Variants in THBS2 observed in about 807,000 individuals in gnomAD.
THBS2 encodes the protein thrombospondin 2.
A neutral mutation model predicts 135.2 loss-of-function variants in THBS2; 47 were observed. The observed-to-expected ratio is 0.35, with a 90% CI of 0.28 to 0.44. The LOEUF (loss-of-function observed/expected upper bound fraction) is 0.44. Ranked by LOEUF, THBS2 falls within the 20% of genes least tolerant of loss-of-function variation. The pLI, the probability that THBS2 is intolerant of heterozygous loss-of-function variation, is 1.00. For synonymous variants in THBS2, 639 were observed against 633.8 expected, an observed-to-expected ratio of 1.01 and a Z score of -0.12; for missense variants, 1,288 against 1,603.1, an observed-to-expected ratio of 0.80 and a Z score of 3.36.
intron 19 of THBS2, 29 bp downstream of exon 19, chr6:169,222,168 G>A (rs6605530): frequency 0.23 from 368,279 of 1,570,826 alleles, 45,546 homozygotes; most frequent in African/African-American, 0.29. Flanking sequence ...GTGCAGAGGA[G>A]ATGTGTGGGC....
intron 9 of THBS2, among the ~76,000 whole-genome samples, chr6:169,236,040 T>TC (rs1276666650): frequency 2.2e-5 from 1 of 44,670 alleles, no homozygotes; most frequent in Admixed American, 2.9e-4. Context: ...CCACACTCCC[T>TC]CCCCATCCAC....
At position 169,246,218 on chromosome 6, in the gene THBS2, C is replaced by G; in HGVS notation, c.673G>C (p.Gly225Arg). 2 of 1,613,930 alleles carry G rather than the reference C, an allele frequency of 1.2e-6. No individual in the cohort carries two copies. Among genetic ancestry groups the G allele is most frequent in the Non-Finnish European group, 8.5e-7 (1 of 1,179,998 alleles). The part of the protein sequence containing the change: ...NSVEDILSKK[G>R]CQQGQGAEIN... ...CTACCTCCCTGGCCTTGCTGGCAAC[C>G]CTTCTTGCTTAGAATATCTTCCACA... The change falls in exon 4 of 22, where the codon GGT (glycine) becomes CGT (arginine). Residue 225 changes from glycine to arginine, a missense_variant. Gly to Arg is a moderately radical substitution (Grantham distance 125, BLOSUM62 -2). Around this residue, in one of 2 missense-constraint regions of THBS2, gnomAD observed 414 missense variants for 447.0 expected, o/e 0.93. Transcript: ENST00000617924.
chr6:169,229,799 A>G (rs1779770677), intron 13 of THBS2, 120 bp from the exon 14 acceptor site: 1 of 741,918 alleles, frequency 1.3e-6, no homozygotes, highest in Admixed American at 2.4e-5. Context: ...TCAGTCCTCG[A>G]TCTCAAGCGG....
At chr6:169,239,520 A>G in intron 7 of THBS2, 79 bp downstream of exon 7, 1 of 1,407,804 alleles carries the variant, frequency 7.1e-7, no homozygotes, top group Non-Finnish European at 9.8e-7. Context: ...CTCTGCCAAA[A>G]CCAACCAATG....
At chr6:169,225,431 T>A in intron 16 of THBS2, 52 bp from the exon 17 acceptor site, 3 of 1,517,860 alleles carry the variant, frequency 2.0e-6, no homozygotes, top group Non-Finnish European at 2.7e-6. Context: ...TTTGAGGAGG[T>A]GGAGAGGAAC....
At position 169,244,172 on chromosome 6, in the gene THBS2, T is replaced by G. The variant is rs564005599; in HGVS notation, c.694+2025A>C. 3.1e-3 allele frequency among the ~76,000 whole-genome samples: 468 copies of G among 149,604 alleles called. 4 individuals carry two copies. The highest frequency in any genetic ancestry group is 0.011 in the African/African-American group (447 of 39,734). The stretch of plus-strand genomic sequence containing the variant: ...GATCTAGATTTCTCTGTGTTTTTTT[T>G]TTTTTTTTTTTGGAAGATCTAAGAG... On this transcript the variant is annotated intron_variant, in intron 4 of 21. Transcript: ENST00000617924.
chr6:169,224,673 C>T (rs976985900), intron 17 of THBS2, among the ~76,000 whole-genome samples: 3 of 152,184 alleles, frequency 2.0e-5, no homozygotes, highest in Non-Finnish European at 4.4e-5. Context: ...CCTTGGGCCC[C>T]CGTGGCTATG....
chr6:169,230,646 A>T (rs1779799437), intron 13 of THBS2, among the ~76,000 whole-genome samples: 1 of 152,210 alleles, frequency 6.6e-6, no homozygotes, highest in South Asian at 2.1e-4. Context: ...CAAATTATAT[A>T]CCATTTTCGA....
At position 169,238,330 on chromosome 6, in the gene THBS2, A is replaced by G. The variant is rs12178812; in HGVS notation, c.1130-535T>C. Reference sequence around the variant, plus strand: ...GTAAAGAAATTCTTCATAGGTAATCACAGCCGCTAAATGGGGGGAAAGAGC... The same window carrying G: ...GTAAAGAAATTCTTCATAGGTAATCGCAGCCGCTAAATGGGGGGAAAGAGC... On this transcript the variant is annotated intron_variant, in intron 7 of 21. Transcript: ENST00000617924. 6.5e-3 allele frequency among the ~76,000 whole-genome samples: 995 copies of G among 152,374 alleles called. 7 individuals carry two copies. Among genetic ancestry groups the G allele is most frequent in the Non-Finnish European group, 0.011 (746 of 68,048 alleles).
chr6:169,217,681 C>A lies in THBS2; in HGVS notation c.*141G>T. The A allele has an allele frequency of 1.1e-6, 1 of 905,568 alleles. No homozygotes were observed. The highest frequency in any genetic ancestry group is 1.6e-6 in the Non-Finnish European group (1 of 610,634). The allele number at this position is 905,568 out of a possible 1,614,324, so 56.1% of individuals were successfully genotyped here. A position where few individuals can be genotyped will look rare whatever the true frequency, so the allele number is the denominator to read the frequency against. On this transcript the variant is annotated 3_prime_UTR_variant, in exon 22 of 22. Coordinates refer to ENST00000617924, the MANE Select transcript of THBS2 (RefSeq NM_003247.5). ...AGGCACTTGGGTTTGGGGTTGCTGG[C>A]AGGAGGTGAAGAACCATCAGAGTTA...
At chr6:169,250,698 G>T in intron 2 of THBS2, 35 bp downstream of exon 2, 1 of 1,603,294 alleles carries the variant, frequency 6.2e-7, no homozygotes, top group East Asian at 2.2e-5. Context: ...TATCTCACAA[G>T]CCAGAGAGAG....
chr6:169,247,814 ATGG>A (rs1260500013), intron 3 of THBS2, among the ~76,000 whole-genome samples: 1 of 147,628 alleles, frequency 6.8e-6, no homozygotes, highest in Non-Finnish European at 1.5e-5. Flanking sequence ...GAGTGCATGC[ATGG>A]TGTTTATTTG....
intron 9 of THBS2, among the ~76,000 whole-genome samples, chr6:169,236,126 T>G (rs111162673): frequency 4.5e-4 from 23 of 50,674 alleles, no homozygotes; most frequent in South Asian, 8.0e-4. Context: ...TCATTCCCCC[T>G]TAAACACCAT....
intron 13 of THBS2, among the ~76,000 whole-genome samples, chr6:169,230,563 C>G (rs535708737): frequency 7.6e-4 from 115 of 152,304 alleles, no homozygotes; most frequent in Admixed American, 2.4e-3. Context: ...AATATGGGAA[C>G]GGGCACAGGG....
chr6:169,233,051 G>A (rs1779906702), intron 10 of THBS2, 34 bp from the exon 11 acceptor site: 8 of 1,496,818 alleles, frequency 5.3e-6, no homozygotes, highest in Middle Eastern at 2.4e-4. Context: ...AGTTCACCAC[G>A]CGCCCTGCGC....
At chr6:169,250,676 G>T in intron 2 of THBS2, 57 bp downstream of exon 2, 1 of 1,507,014 alleles carries the variant, frequency 6.6e-7, no homozygotes, top group Non-Finnish European at 9.1e-7. Context: ...CTCTCCCCTT[G>T]CAGCTAAGCC....
chr6:169,226,243 G>C lies in THBS2; in HGVS notation c.2475C>G (p.Asp825Glu). 1 of 1,614,166 alleles carries C rather than the reference G, an allele frequency of 6.2e-7. No homozygotes were observed. The highest frequency in any genetic ancestry group is 8.5e-7 in the Non-Finnish European group (1 of 1,180,000). Reference protein sequence around the residue: ...CPYVYNTDQRDTDGDGVGDHC... With the variant: ...CPYVYNTDQRETDGDGVGDHC... The stretch of plus-strand genomic sequence containing the variant: ...GATCCCCCACACCGTCACCATCCGT[G>C]TCCCTCTGGTCAGTGTTGTAGACGT... The change falls in exon 16 of 22, where the codon GAC (aspartate) becomes GAG (glutamate). Residue 825 changes from aspartate (D) to glutamate (E), a missense_variant. Asp to Glu is a conservative substitution (Grantham distance 45). Transcript: ENST00000617924.
chr6:169,226,647 TGA>T lies in THBS2; in HGVS notation c.2420-351_2420-350del, dbSNP rs1779641148. 2.6e-5 allele frequency among the ~76,000 whole-genome samples: 4 copies of T among 152,228 alleles called. No individual in the cohort carries two copies. In the South Asian group the frequency reaches 8.3e-4, roughly 32 times the overall value. On this transcript the variant is annotated intron_variant, in intron 15 of 21. Coordinates refer to ENST00000617924, the MANE Select transcript of THBS2 (RefSeq NM_003247.5). ...TAATACCCACTTGGAAAGTATGTGT[TGA>T]GTTCCCAGGAGTTTATCATCCATGC...
intron 9 of THBS2, among the ~76,000 whole-genome samples, chr6:169,235,163 C>A (rs1032608355): frequency 6.6e-6 from 1 of 152,236 alleles, no homozygotes; most frequent in Non-Finnish European, 1.5e-5. Flanking sequence ...CTCCAGAAGA[C>A]AAATCATACC....
Sources: allele counts gnomAD v4.1 joint callset (sites outside exome capture counted in the v4.1 genomes callset), GRCh38; gene constraint gnomAD v4.1.1; regional missense constraint gnomAD v4.1.1; transcripts MANE v1.5; gene names NCBI Gene and HGNC (gene_info 2026-07-23, HGNC 2026-07-21).